CLMP: variants seen among roughly 807,000 people sequenced by gnomAD.
CLMP encodes the protein CXADR like cell adhesion molecule, also known as CXADR-like membrane protein.
In CLMP, 27 loss-of-function variants were observed where a neutral mutation model predicts 45.2. The ratio of observed to expected loss-of-function variants is 0.60; its 90% CI spans 0.44 to 0.82. The LOEUF is 0.82. CLMP is among the 40% of genes least tolerant of loss of function. The pLI, the probability that CLMP is intolerant of heterozygous loss-of-function variation, is 0.00. For missense variants in CLMP, 403 were observed against 448.4 expected (o/e 0.90, Z 0.91); for synonymous variants, 167 against 171.4 (o/e 0.97, Z 0.20).
At chr11:123,171,447 C>CT (rs758162904) in intron 1 of CLMP, among the ~76,000 whole-genome samples, 2,222 of 136,430 alleles carry the variant, frequency 0.016, 66 homozygotes, top group East Asian at 0.1. Flanking sequence ...CTTTTCTTTT[C>CT]TTTTTTTTTT....
intron 1 of CLMP, among the ~76,000 whole-genome samples, chr11:123,148,713 T>C (rs1861271790): frequency 6.6e-6 from 1 of 152,198 alleles, no homozygotes; most frequent in Admixed American, 6.5e-5. Flanking sequence ...TCTGCCCTCA[T>C]GTCCTAGAAG....
rs150258733 is a variant in CLMP at position 123,121,774 on chromosome 11, T to C, written c.29-23822A>G. ...GTTTCAGCCACTGTGTTTTGGTAAG[T>C]CAGTTACCTCTCTTCCACCTGCTTT... On this transcript the variant is annotated intron_variant, in intron 1 of 6. Coordinates refer to ENST00000448775, the MANE Select transcript of CLMP (RefSeq NM_024769.5). Among the ~76,000 whole-genome samples the C allele has an allele frequency of 2.1e-3, 318 of 152,276 alleles. 4 individuals carry two copies. The highest frequency in any genetic ancestry group is 7.4e-3 in the African/African-American group (309 of 41,558).
At chr11:123,187,891 C>T (rs1861854748) in intron 1 of CLMP, among the ~76,000 whole-genome samples, 1 of 152,156 alleles carries the variant, frequency 6.6e-6, no homozygotes, top group African/African-American at 2.4e-5. Flanking sequence ...CATCAACCCA[C>T]CAACTGCTTA....
chr11:123,086,457 C>T (rs1372246443), intron 2 of CLMP, among the ~76,000 whole-genome samples: 1 of 152,196 alleles, frequency 6.6e-6, no homozygotes, highest in Non-Finnish European at 1.5e-5. Flanking sequence ...ATTTCAGCTG[C>T]AGCTGTTCCA....
intron 1 of CLMP, among the ~76,000 whole-genome samples, chr11:123,158,124 A>C (rs113852504): frequency 2.1e-3 from 315 of 152,282 alleles, no homozygotes; most frequent in African/African-American, 7.0e-3. Context: ...TCAGGGCAGG[A>C]AGATGCAAAG....
chr11:123,187,894 A>G (rs946960407), intron 1 of CLMP, among the ~76,000 whole-genome samples: 3 of 152,202 alleles, frequency 2.0e-5, no homozygotes, highest in African/African-American at 7.2e-5. Context: ...CAACCCACCA[A>G]CTGCTTATTT....
chr11:123,127,337 G>A (rs1171661869), intron 1 of CLMP, among the ~76,000 whole-genome samples: 3 of 152,072 alleles, frequency 2.0e-5, no homozygotes, highest in Non-Finnish European at 2.9e-5. Context: ...GACCAGACTG[G>A]TCTCGAACTC....
rs1335804455 is a variant in CLMP at position 123,157,714 on chromosome 11, G to T, written c.28+37199C>A. Among the ~76,000 whole-genome samples the T allele has an allele frequency of 4.4e-5, 5 of 113,416 alleles. No individual in the cohort carries two copies. The South Asian group carries it at 9.4e-4, about 21-fold the overall frequency. 74.4% of individuals were successfully genotyped at this position (113,416 alleles called of 152,430 possible). A position where few individuals can be genotyped will look rare whatever the true frequency, so the allele number is the denominator to read the frequency against. Reference sequence around the variant, plus strand: ...ACTTCACTCTAGCCTGGGCAAAAGAGTGAAACTCAAAAAAAAAAAAAAAAA... The same window carrying T: ...ACTTCACTCTAGCCTGGGCAAAAGATTGAAACTCAAAAAAAAAAAAAAAAA... On this transcript the variant is annotated intron_variant, in intron 1 of 6. Transcript: ENST00000448775.
At chr11:123,137,345 G>A (rs570803806) in intron 1 of CLMP, among the ~76,000 whole-genome samples, 6 of 149,056 alleles carry the variant, frequency 4.0e-5, no homozygotes, top group Admixed American at 2.0e-4. Flanking sequence ...AGTAGAGACG[G>A]GGTAGACCTT....
At chr11:123,188,369 C>A (rs1176036960) in intron 1 of CLMP, among the ~76,000 whole-genome samples, 1 of 152,144 alleles carries the variant, frequency 6.6e-6, no homozygotes, top group Non-Finnish European at 1.5e-5. Flanking sequence ...AGGAGGTCAG[C>A]TTAGCTTGGC....
At position 123,088,068 on chromosome 11, in the gene CLMP, G is replaced by A. The variant is rs192849711; in HGVS notation, c.187-3355C>T. Among the ~76,000 whole-genome samples the A allele has an allele frequency of 9.2e-5, 14 of 151,938 alleles. No homozygotes were observed. The East Asian group carries it at 2.7e-3, about 30-fold the overall frequency. ...TGGGATTACAGGCATGTGCCACCAG[G>A]CCCAGCTAATTTTGTATTTTTAGAA... On this transcript the variant is annotated intron_variant, in intron 2 of 6. Transcript: ENST00000448775.
At chr11:123,118,221 C>T (rs11218992) in intron 1 of CLMP, among the ~76,000 whole-genome samples, 2,892 of 152,230 alleles carry the variant, frequency 0.019, 71 homozygotes, top group East Asian at 0.13. Context: ...CCTCTGCCTC[C>T]GGAGTTCAAG....
intron 1 of CLMP, among the ~76,000 whole-genome samples, chr11:123,165,316 A>AT (rs1861542402): frequency 6.6e-6 from 1 of 152,262 alleles, no homozygotes; most frequent in African/African-American, 2.4e-5. Context: ...TGGTAAGTCT[A>AT]AAACCTTGAG....
At position 123,070,170 on chromosome 11, in the gene CLMP, A is replaced by G. The variant is rs1865655957; in HGVS notation, c.*3304T>C. On this transcript the variant is annotated 3_prime_UTR_variant, in exon 7 of 7. Transcript: ENST00000448775. ...GGTTACTCAATGTCCACATCATTCC[A>G]TCTGCATCGTCTTCCTACAAACAGT... 6.6e-6 allele frequency: 1 copy of G among 152,204 alleles called. No individual in the cohort carries two copies. The highest frequency in any genetic ancestry group is 1.5e-5 in the Non-Finnish European group (1 of 68,030). The allele number at this position is 152,204 out of a possible 1,614,324, so 9.4% of individuals were successfully genotyped here.
In CLMP at chr11:123,140,149, G is replaced by T. The variant is rs74776234; in HGVS notation, c.29-42197C>A. ...GATCGTAAAGTTGCATAGGCAAACA[G>T]GAAGTACCACTCTGGCTTAATGTGG... On this transcript the variant is annotated intron_variant, in intron 1 of 6. Transcript: ENST00000448775. Among the ~76,000 whole-genome samples, 369 of 152,350 alleles carry T rather than the reference G, an allele frequency of 2.4e-3. 8 individuals are homozygous for T. In the South Asian group the frequency reaches 0.034, roughly 14 times the overall value.
At chr11:123,189,531 T>G (rs990795670) in intron 1 of CLMP, among the ~76,000 whole-genome samples, 1 of 152,186 alleles carries the variant, frequency 6.6e-6, no homozygotes, top group African/African-American at 2.4e-5. Flanking sequence ...ATGTTAGAAA[T>G]TAATTATACT....
intron 1 of CLMP, among the ~76,000 whole-genome samples, chr11:123,114,447 C>T (rs1860692116): frequency 1.4e-5 from 2 of 141,390 alleles, no homozygotes; most frequent in Non-Finnish European, 3.1e-5. Context: ...TCCCTCCCTC[C>T]CTCTCTCCCT....
intron 1 of CLMP, among the ~76,000 whole-genome samples, chr11:123,172,599 G>A (rs973120797): frequency 9.2e-5 from 14 of 151,864 alleles, no homozygotes; most frequent in South Asian, 2.1e-4. Context: ...CTCCCATCTC[G>A]GCCTCCCATG....
chr11:123,091,585 A>G (rs770445230), intron 2 of CLMP, among the ~76,000 whole-genome samples: 4 of 152,146 alleles, frequency 2.6e-5, no homozygotes, highest in Non-Finnish European at 5.9e-5. Context: ...TTGCTCCAGG[A>G]TAGGGAGAAG....
Sources: allele counts gnomAD v4.1 joint callset (sites outside exome capture counted in the v4.1 genomes callset), GRCh38; gene constraint gnomAD v4.1.1; transcripts MANE v1.5; gene names NCBI Gene and HGNC (gene_info 2026-07-23, HGNC 2026-07-21).